Variants in LRRC38 observed in about 807,000 individuals in gnomAD.
LRRC38 encodes leucine-rich repeat-containing protein 38.
Under a neutral mutation model 16.4 loss-of-function variants are expected in LRRC38, and 5 were observed. The observed-to-expected ratio is 0.31, with a 90% confidence interval of 0.16 to 0.64. LRRC38 has a LOEUF of 0.64. Ranked by LOEUF, LRRC38 falls within the 30% of genes least tolerant of loss-of-function variation. The pLI, the probability that LRRC38 is intolerant of heterozygous loss-of-function variation, is 0.80. For missense variants in LRRC38, 341 were observed against 401.8 expected, an observed-to-expected ratio of 0.85 and a Z score of 1.29; for synonymous variants, 191 against 190.2, an observed-to-expected ratio of 1.00 and a Z score of -0.04.
At chr1:13,486,567 A>G (rs1188643212) in intron 1 of LRRC38, among the ~76,000 whole-genome samples, 1 of 144,682 alleles carries the variant, frequency 6.9e-6, no homozygotes, top group African/African-American at 2.6e-5. Context: ...TCTCTCACCC[A>G]TTAAATATGT....
At position 13,481,597 on chromosome 1, in the gene LRRC38, G is replaced by A. The variant is rs559963169; in HGVS notation, c.632-5498C>T. Among the ~76,000 whole-genome samples the A allele has an allele frequency of 1.7e-3, 255 of 151,326 alleles. 2 individuals carry two copies. The highest frequency in any genetic ancestry group is 9.0e-3 in the South Asian group (42 of 4,692). ...TTTTTAGTAGAGACGGGGTTTCACC[G>A]TGTTAGCCAGGATTGTCTCCACCTC... is the stretch of plus-strand genomic sequence containing the variant. On this transcript the variant is annotated intron_variant, in intron 1 of 1. Coordinates refer to ENST00000376085, the MANE Select transcript of LRRC38 (RefSeq NM_001010847.2).
intron 1 of LRRC38, among the ~76,000 whole-genome samples, chr1:13,493,130 C>A (rs1639037067): frequency 6.6e-6 from 1 of 152,212 alleles, no homozygotes. Flanking sequence ...CCAATACAAG[C>A]AATTCTGATT....
intron 1 of LRRC38, among the ~76,000 whole-genome samples, chr1:13,485,145 C>G (rs148291430): frequency 6.6e-6 from 1 of 151,932 alleles, no homozygotes. Flanking sequence ...GGCGTGATGG[C>G]GCATGCCTGT....
intron 1 of LRRC38, among the ~76,000 whole-genome samples, chr1:13,478,167 G>A (rs1638810189): frequency 6.6e-6 from 1 of 152,180 alleles, no homozygotes; most frequent in South Asian, 2.1e-4. Context: ...ATAAGAGAAT[G>A]AATGGTATTA....
intron 1 of LRRC38, among the ~76,000 whole-genome samples, chr1:13,500,673 T>C (rs984635142): frequency 6.6e-6 from 1 of 152,200 alleles, no homozygotes; most frequent in Non-Finnish European, 1.5e-5. Context: ...CTTAGGCCCA[T>C]GTCTTCAGGA....
At chr1:13,508,651 C>A (rs1412820523) in intron 1 of LRRC38, among the ~76,000 whole-genome samples, 1 of 152,188 alleles carries the variant, frequency 6.6e-6, no homozygotes, top group Non-Finnish European at 1.5e-5. Context: ...TTTCCCCAGT[C>A]TAATAACAGG....
rs1569944383 is a variant in LRRC38 at position 13,513,202 on chromosome 1, A to C, written c.392T>G (p.Val131Gly). The C allele has an allele frequency of 6.5e-7, 1 of 1,550,320 alleles. No homozygotes were observed. The highest frequency in any genetic ancestry group is 8.7e-7 in the Non-Finnish European group (1 of 1,146,918). ...GTTGTTGTTAGCCAGGCTAAGCTTC[A>C]CCAGCCTCCCGGCCGAGCGGAAGGC... is the stretch of plus-strand genomic sequence containing the variant. ...AGAFRSAGRLVKLSLANNNLV... is the reference protein window; with the variant it reads ...AGAFRSAGRLGKLSLANNNLV... The change falls in exon 1 of 2, where the codon GTG becomes GGG. Residue 131 changes from valine to glycine, a missense_variant. Coordinates refer to ENST00000376085, the MANE Select transcript of LRRC38 (RefSeq NM_001010847.2).
intron 1 of LRRC38, among the ~76,000 whole-genome samples, chr1:13,477,641 C>T (rs1638804818): frequency 6.6e-6 from 1 of 152,018 alleles, no homozygotes; most frequent in South Asian, 2.1e-4. Context: ...AGTTCGAGAC[C>T]AGCCTGGGCA....
At chr1:13,500,577 G>A (rs354574) in intron 1 of LRRC38, among the ~76,000 whole-genome samples, 38 of 152,238 alleles carry the variant, frequency 2.5e-4, no homozygotes, top group African/African-American at 8.7e-4. Context: ...CCACCTTTCC[G>A]GACCGAACCA....
At chr1:13,491,001 CCTG>C (rs1557499060) in intron 1 of LRRC38, among the ~76,000 whole-genome samples, 2 of 152,336 alleles carry the variant, frequency 1.3e-5, no homozygotes, top group Non-Finnish European at 2.9e-5. Context: ...TCTAGAAACT[CCTG>C]CTATTTATCA....
chr1:13,483,999 A>C (rs2100494049), intron 1 of LRRC38, among the ~76,000 whole-genome samples: 1 of 151,734 alleles, frequency 6.6e-6, no homozygotes, highest in East Asian at 1.9e-4. Flanking sequence ...GTGGAGAGAG[A>C]TTTATTACAA....
intron 1 of LRRC38, among the ~76,000 whole-genome samples, chr1:13,495,176 G>T (rs1263209516): frequency 6.6e-6 from 1 of 152,190 alleles, no homozygotes; most frequent in African/African-American, 2.4e-5. Flanking sequence ...AGGAAAGAAT[G>T]AGGATGAGCT....
At chr1:13,501,406 TTTTA>T (rs921126105) in intron 1 of LRRC38, among the ~76,000 whole-genome samples, 33 of 152,080 alleles carry the variant, frequency 2.2e-4, no homozygotes, top group Admixed American at 1.8e-3. Flanking sequence ...CTATTAATTA[TTTTA>T]TTTATTTATT....
intron 1 of LRRC38, among the ~76,000 whole-genome samples, chr1:13,502,859 C>T (rs748227479): frequency 6.6e-6 from 1 of 152,228 alleles, no homozygotes. Context: ...TCAACTTTCA[C>T]TTCTGATGTA....
intron 1 of LRRC38, among the ~76,000 whole-genome samples, chr1:13,479,891 T>C (rs1025637566): frequency 6.6e-6 from 1 of 152,236 alleles, no homozygotes; most frequent in Admixed American, 6.5e-5. Context: ...TGGTAGACCC[T>C]TGTTTAAACC....
chr1:13,509,147 C>T (rs185363193), intron 1 of LRRC38, among the ~76,000 whole-genome samples: 6 of 152,202 alleles, frequency 3.9e-5, no homozygotes, highest in East Asian at 3.9e-4. Context: ...TGTTTAATTC[C>T]GCCCCAGTCC....
intron 1 of LRRC38, among the ~76,000 whole-genome samples, chr1:13,511,453 C>A (rs1203078420): frequency 6.6e-6 from 1 of 152,076 alleles, no homozygotes; most frequent in African/African-American, 2.4e-5. Context: ...CCAAATGGGA[C>A]AAGTGGCCTG....
intron 1 of LRRC38, among the ~76,000 whole-genome samples, chr1:13,502,298 C>CA (rs1390369691): frequency 3.9e-5 from 6 of 152,052 alleles, no homozygotes; most frequent in Non-Finnish European, 5.9e-5. Context: ...CTCACCCAGA[C>CA]AAAATCACTA....
intron 1 of LRRC38, among the ~76,000 whole-genome samples, chr1:13,508,353 C>T (rs748356467): frequency 1.4e-4 from 21 of 152,216 alleles, no homozygotes; most frequent in Non-Finnish European, 2.8e-4. Flanking sequence ...TGCCTACATA[C>T]AAAAAATAAA....
Sources: allele counts gnomAD v4.1 joint callset (sites outside exome capture counted in the v4.1 genomes callset), GRCh38; gene constraint gnomAD v4.1.1; transcripts MANE v1.5; gene names NCBI Gene and HGNC (gene_info 2026-07-23, HGNC 2026-07-21).